UTRN: variants seen among roughly 807,000 people sequenced by gnomAD.
UTRN encodes dystrophin-related protein 1.
A neutral mutation model predicts 463.9 loss-of-function variants in UTRN; 283 were observed. The observed-to-expected ratio is 0.61, with a 90% CI of 0.55 to 0.67. UTRN has a LOEUF of 0.67. Ranked by LOEUF, UTRN falls within the 30% of genes least tolerant of loss-of-function variation. The pLI is 0.00. For synonymous variants in UTRN, 1,442 were observed against 1,431.5 expected, an observed-to-expected ratio of 1.01 and a Z score of -0.17; for missense variants, 3,922 against 4,084.3, an observed-to-expected ratio of 0.96 and a Z score of 1.08.
intron 2 of UTRN, among the ~76,000 whole-genome samples, chr6:144,313,503 GC>G (rs1775077402): frequency 6.6e-6 from 1 of 152,206 alleles, no homozygotes. Context: ...GGAGAGAGCT[GC>G]CCCCTGGCTC....
At chr6:144,480,140 A>G (rs2128572964) in intron 26 of UTRN, among the ~76,000 whole-genome samples, 158 bp downstream of exon 26, 1 of 152,312 alleles carries the variant, frequency 6.6e-6, no homozygotes. Flanking sequence ...TAGCTGCTCT[A>G]ATTTTAGCAG....
Position 144,485,371 on chromosome 6 carries a change from T to G in UTRN, c.3688-14T>G. 1 of 1,613,598 alleles carries G rather than the reference T, an allele frequency of 6.2e-7. No homozygotes were observed. The highest frequency in any genetic ancestry group is 8.5e-7 in the Non-Finnish European group (1 of 1,179,844). ...AATGGCTTTTTGTCTAATTTAAAAT[T>G]TTTCATGCTTTAGGAGGTCTGGTCT... On this transcript the variant is annotated splice_polypyrimidine_tract_variant and intron_variant, in intron 27 of 74. Transcript: ENST00000367545.
chr6:144,633,643 A>T (rs192476499), intron 51 of UTRN, among the ~76,000 whole-genome samples: 1 of 152,188 alleles, frequency 6.6e-6, no homozygotes, highest in Non-Finnish European at 1.5e-5. Context: ...TCTTTCAGAT[A>T]GTCACCAGAG....
intron 53 of UTRN, among the ~76,000 whole-genome samples, chr6:144,705,060 T>G (rs1413171884): frequency 3.3e-5 from 5 of 152,186 alleles, no homozygotes; most frequent in African/African-American, 9.7e-5. Context: ...GAAAGTCCAG[T>G]GTCACATTTT....
At position 144,751,948 on chromosome 6, in the gene UTRN, T is replaced by C; in HGVS notation, c.8351T>C (p.Leu2784Ser). 6.2e-7 allele frequency: 1 copy of C among 1,607,752 alleles called. No homozygotes were observed. ...GACCTTAATATGCGATGGAAACTTT[T>C]ACAGGTATCAGCTTATTCCCCTTCA... ...LDDLNMRWKL[L>S]QVSVDDRLKQ... Residue 2784 changes from leucine to serine, a missense_variant, in exon 56 of 75, where the codon TTA becomes TCA. Leu to Ser is a moderately radical substitution (Grantham distance 145). Coordinates refer to ENST00000367545, the MANE Select transcript of UTRN (RefSeq NM_007124.3).
chr6:144,368,939 G>T (rs1004671796), intron 2 of UTRN, among the ~76,000 whole-genome samples: 1 of 152,072 alleles, frequency 6.6e-6, no homozygotes, highest in African/African-American at 2.4e-5. Flanking sequence ...ATTTTGTTTT[G>T]TTTGGTTTAT....
chr6:144,730,238 A>G lies in UTRN; in HGVS notation c.7810-119A>G, dbSNP rs1035691774. 1.7e-5 allele frequency: 20 copies of G among 1,159,086 alleles called. No homozygotes were observed. In the Admixed American group the frequency reaches 4.9e-4, roughly 28 times the overall value. 71.8% of individuals were successfully genotyped at this position (1,159,086 alleles called of 1,614,324 possible). On this transcript the variant is annotated intron_variant, in intron 53 of 74. Coordinates refer to ENST00000367545, the MANE Select transcript of UTRN (RefSeq NM_007124.3). ...ACATTTTGGCTTCTAACTTAGCTGA[A>G]ATGCTTGCTATTAGTCATTTTCTTG...
chr6:144,510,299 G>A (rs1399567256), intron 34 of UTRN, among the ~76,000 whole-genome samples: 2 of 152,136 alleles, frequency 1.3e-5, no homozygotes, highest in East Asian at 1.9e-4. Context: ...TGAAACTTAC[G>A]AATGTGCCGA....
chr6:144,459,991 AT>A (rs1789248267), intron 21 of UTRN, among the ~76,000 whole-genome samples: 2 of 147,424 alleles, frequency 1.4e-5, no homozygotes, highest in Non-Finnish European at 3.0e-5. Flanking sequence ...GGATATAATG[AT>A]TTTTAAAGAT....
chr6:144,690,398 C>T (rs2128691997), intron 52 of UTRN, among the ~76,000 whole-genome samples: 1 of 152,094 alleles, frequency 6.6e-6, no homozygotes, highest in Non-Finnish European at 1.5e-5. Flanking sequence ...CAGCATTCCA[C>T]TAACAGCAAC....
At chr6:144,478,534 T>C (rs1791488969) in intron 25 of UTRN, among the ~76,000 whole-genome samples, 1 of 152,196 alleles carries the variant, frequency 6.6e-6, no homozygotes, top group African/African-American at 2.4e-5. Context: ...ATCAGCTCCT[T>C]GGTTACCCTG....
In UTRN at chr6:144,447,757, G is replaced by C. The variant is rs776745268; in HGVS notation, c.1878G>C (p.Gln626His). The change falls in exon 16 of 75, where the codon CAG (glutamine) becomes CAC (histidine). Residue 626 changes from glutamine (Q) to histidine (H), a missense_variant. Transcript: ENST00000367545. ...CTCAAAGATGGGATTCTTTGGTTCAGAGACTAGAAGATTCCTCCAACCAGG... is the reference window on the plus strand; with the variant it reads ...CTCAAAGATGGGATTCTTTGGTTCACAGACTAGAAGATTCCTCCAACCAGG... ...ELTQRWDSLV[Q>H]RLEDSSNQVT... is the part of the protein sequence containing the mutation. 1.9e-6 allele frequency: 3 copies of C among 1,612,616 alleles called. No homozygotes were observed. The highest frequency in any genetic ancestry group is 2.2e-5 in the South Asian group (2 of 90,680).
chr6:144,759,509 T>A (rs1792402018), intron 58 of UTRN, among the ~76,000 whole-genome samples: 1 of 152,096 alleles, frequency 6.6e-6, no homozygotes, highest in Admixed American at 6.6e-5. Context: ...GATGCTCACA[T>A]CATAATCCCT....
intron 35 of UTRN, 114 bp from the exon 36 acceptor site, chr6:144,513,795 C>T: frequency 8.3e-7 from 1 of 1,209,280 alleles, no homozygotes; most frequent in Non-Finnish European, 1.1e-6. Context: ...GGTGAAAGCT[C>T]TCCTTTAAAT....
intron 50 of UTRN, among the ~76,000 whole-genome samples, chr6:144,573,218 A>AT (rs925145966): frequency 9.9e-5 from 15 of 151,820 alleles, no homozygotes; most frequent in Admixed American, 5.9e-4. Context: ...TGGTAGTTTG[A>AT]TTTTTTCTTG....
At chr6:144,288,638 TAATC>T (rs1390376417) in intron 1 of UTRN, among the ~76,000 whole-genome samples, 1 of 152,076 alleles carries the variant, frequency 6.6e-6, no homozygotes, top group African/African-American at 2.4e-5. Context: ...AATCATATAA[TAATC>T]CATAAATTTT....
Position 144,851,450 on chromosome 6 carries a change from G to T in UTRN, c.*453G>T, listed in dbSNP as rs1158768450. 6.4e-6 allele frequency: 1 copy of T among 156,644 alleles called. No individual in the cohort carries two copies. Among genetic ancestry groups the T allele is most frequent in the Admixed American group, 6.3e-5 (1 of 15,802 alleles). 9.7% of individuals were successfully genotyped at this position (156,644 alleles called of 1,614,324 possible). A position where few individuals can be genotyped will look rare whatever the true frequency, so the allele number is the denominator to read the frequency against. ...TGCACAATTACTTCATTTTTTCTTT[G>T]ACTCTTTTACCACAATGTTTTGGTT... On this transcript the variant is annotated 3_prime_UTR_variant, in exon 75 of 75. Coordinates refer to ENST00000367545, the MANE Select transcript of UTRN (RefSeq NM_007124.3).
chr6:144,563,744 A>G (rs879916953), intron 50 of UTRN, among the ~76,000 whole-genome samples: 2 of 152,208 alleles, frequency 1.3e-5, no homozygotes, highest in Non-Finnish European at 2.9e-5. Flanking sequence ...CAAAAAGAGA[A>G]GGGTAAAAAT....
chr6:144,781,443 A>G (rs1775820722), intron 60 of UTRN, among the ~76,000 whole-genome samples: 1 of 152,206 alleles, frequency 6.6e-6, no homozygotes, highest in Non-Finnish European at 1.5e-5. Flanking sequence ...GTATGTAATG[A>G]TGTACATGAT....
Sources: allele counts gnomAD v4.1 joint callset (sites outside exome capture counted in the v4.1 genomes callset), GRCh38; gene constraint gnomAD v4.1.1; transcripts MANE v1.5; gene names NCBI Gene and HGNC (gene_info 2026-07-23, HGNC 2026-07-21).